Variants in LRRIQ1 observed in about 807,000 individuals in gnomAD.
The protein encoded by LRRIQ1 is leucine rich repeats and IQ motif containing 1, also known as leucine-rich repeat- and IQ domain-containing protein 1.
Under a neutral mutation model 211.9 loss-of-function variants are expected in LRRIQ1, and 210 were observed. The ratio of observed to expected loss-of-function variants is 0.99; its 90% CI spans 0.89 to 1.11. The LOEUF (loss-of-function observed/expected upper bound fraction) is 1.11. LRRIQ1 is among the 50% of genes most tolerant of loss of function. The pLI is 0.00. For missense variants in LRRIQ1, 2,136 were observed against 1,939.5 expected (o/e 1.10, Z -1.90); for synonymous variants, 699 against 650.1 (o/e 1.08, Z -1.14).
In LRRIQ1 at chr12:85,098,415, A is replaced by G; in HGVS notation, c.2948A>G (p.Asn983Ser). 6.2e-7 allele frequency: 1 copy of G among 1,611,234 alleles called. No homozygotes were observed. The highest frequency in any genetic ancestry group is 1.7e-5 in the Admixed American group (1 of 59,756). The change falls in exon 12 of 27, where the codon AAT becomes AGT. Residue 983 changes from asparagine to serine, a missense_variant. Coordinates refer to ENST00000393217, the MANE Select transcript of LRRIQ1 (RefSeq NM_001079910.2). ...ATTTTGGACCACAATCAGTTAATTAATACAAAAGGTCTTTGTGATACACCT... is the reference window on the plus strand; with the variant it reads ...ATTTTGGACCACAATCAGTTAATTAGTACAAAAGGTCTTTGTGATACACCT... ...QLILDHNQLI[N>S]TKGLCDTPTI...
chr12:85,215,776 A>G (rs912351879), intron 24 of LRRIQ1, among the ~76,000 whole-genome samples: 2 of 152,184 alleles, frequency 1.3e-5, no homozygotes, highest in African/African-American at 4.8e-5. Context: ...TCATATAGTG[A>G]AATATACAGT....
chr12:85,248,625 T>G (rs1174461822), downstream of LRRIQ1, among the ~76,000 whole-genome samples: 2 of 151,700 alleles, frequency 1.3e-5, no homozygotes, highest in African/African-American at 2.4e-5. Context: ...TGGTTATATC[T>G]AAACTTATGA....
chr12:85,183,132 A>G (rs1892065294), intron 24 of LRRIQ1, among the ~76,000 whole-genome samples: 1 of 152,208 alleles, frequency 6.6e-6, no homozygotes, highest in African/African-American at 2.4e-5. Flanking sequence ...CCTTCCTTCA[A>G]CATTTGTAGA....
downstream of LRRIQ1, among the ~76,000 whole-genome samples, chr12:85,246,929 C>T (rs1156638750): frequency 6.6e-6 from 1 of 151,346 alleles, no homozygotes; most frequent in African/African-American, 2.4e-5. Flanking sequence ...TGAATGAGGA[C>T]TTAATCTTTA....
At chr12:85,071,453 G>A (rs1883074404) in intron 10 of LRRIQ1, among the ~76,000 whole-genome samples, 1 of 151,822 alleles carries the variant, frequency 6.6e-6, no homozygotes, top group Non-Finnish European at 1.5e-5. Flanking sequence ...GATATTGAAT[G>A]GTTTCCAATC....
intron 7 of LRRIQ1, among the ~76,000 whole-genome samples, chr12:85,054,463 T>C (rs1006075131): frequency 6.6e-6 from 1 of 152,180 alleles, no homozygotes; most frequent in Non-Finnish European, 1.5e-5. Flanking sequence ...CTTTCTCCCA[T>C]GGCTTTTTGT....
At chr12:85,067,013 T>A in intron 10 of LRRIQ1, 115 bp downstream of exon 10, 1 of 520,806 alleles carries the variant, frequency 1.9e-6, no homozygotes, top group Non-Finnish European at 3.1e-6. Flanking sequence ...TTATTTATGT[T>A]ATACTTTTAA....
At chr12:85,065,169 A>G (rs1882297386) in intron 8 of LRRIQ1, 93 bp from the exon 9 acceptor site, 1 of 1,081,634 alleles carries the variant, frequency 9.2e-7, no homozygotes, top group African/African-American at 1.6e-5. Flanking sequence ...CTTTTCTTAA[A>G]TGAATTTTCT....
intron 24 of LRRIQ1, among the ~76,000 whole-genome samples, chr12:85,193,880 A>G: frequency 1.3e-5 from 2 of 150,368 alleles, no homozygotes; most frequent in Admixed American, 6.7e-5. Context: ...AGACTGGCAA[A>G]TTGGATAAAG....
At chr12:85,037,893 G>C (rs907903381) in intron 1 of LRRIQ1, among the ~76,000 whole-genome samples, 2 of 151,608 alleles carry the variant, frequency 1.3e-5, no homozygotes, top group South Asian at 4.1e-4. Flanking sequence ...AAACAATTCT[G>C]ATCTTTATTA....
intron 11 of LRRIQ1, among the ~76,000 whole-genome samples, chr12:85,077,533 T>C (rs921351175): frequency 1.3e-5 from 2 of 152,192 alleles, no homozygotes; most frequent in Non-Finnish European, 2.9e-5. Flanking sequence ...TATTGGATAT[T>C]TTATCTGGGA....
chr12:85,067,195 A>G (rs1275729044), intron 10 of LRRIQ1, among the ~76,000 whole-genome samples: 1 of 151,940 alleles, frequency 6.6e-6, no homozygotes, highest in Non-Finnish European at 1.5e-5. Context: ...ATATTGTGCC[A>G]TGATATTTTT....
At chr12:85,148,542 G>A (rs1014226026) in intron 19 of LRRIQ1, among the ~76,000 whole-genome samples, 2 of 151,824 alleles carry the variant, frequency 1.3e-5, no homozygotes, top group African/African-American at 4.8e-5. Flanking sequence ...TCTTTATCTA[G>A]TCTATCATTA....
At chr12:85,094,257 G>A in intron 11 of LRRIQ1, among the ~76,000 whole-genome samples, 1 of 152,118 alleles carries the variant, frequency 6.6e-6, no homozygotes, top group South Asian at 2.1e-4. Flanking sequence ...AACAAATGGG[G>A]CCATCTATTT....
intron 11 of LRRIQ1, among the ~76,000 whole-genome samples, chr12:85,079,082 C>T (rs186625968): frequency 1.3e-5 from 2 of 152,070 alleles, no homozygotes; most frequent in Non-Finnish European, 1.5e-5. Flanking sequence ...TGGAAAACTC[C>T]ACTATACTCT....
intron 1 of LRRIQ1, among the ~76,000 whole-genome samples, chr12:85,257,645 G>A (rs1428255564): frequency 6.6e-6 from 1 of 151,694 alleles, no homozygotes; most frequent in African/African-American, 2.4e-5. Context: ...GCATTACATG[G>A]GGTAGTTATC....
intron 24 of LRRIQ1, among the ~76,000 whole-genome samples, chr12:85,164,957 C>G (rs1048690330): frequency 2.6e-5 from 4 of 151,990 alleles, no homozygotes; most frequent in Non-Finnish European, 5.9e-5. Context: ...GTTTTTATTC[C>G]TTTCTCATAG....
intron 17 of LRRIQ1, among the ~76,000 whole-genome samples, chr12:85,126,303 C>G (rs1185320971): frequency 6.6e-6 from 1 of 152,088 alleles, no homozygotes; most frequent in African/African-American, 2.4e-5. Context: ...TTCACAGTTA[C>G]AGTTCGTGAA....
At chr12:85,040,874 A>G (rs959141566) in intron 3 of LRRIQ1, among the ~76,000 whole-genome samples, 2 of 151,722 alleles carry the variant, frequency 1.3e-5, no homozygotes, top group East Asian at 3.9e-4. Flanking sequence ...TTTATATTAA[A>G]GAAAATAAAA....
Sources: allele counts gnomAD v4.1 joint callset (sites outside exome capture counted in the v4.1 genomes callset), GRCh38; gene constraint gnomAD v4.1.1; transcripts MANE v1.5; gene names NCBI Gene and HGNC (gene_info 2026-07-23, HGNC 2026-07-21).